The following TRRAP variants were observed in gnomAD, a reference collection of about 807,000 sequenced individuals.
TRRAP encodes transformation/transcription domain associated protein, also known as transformation/transcription domain-associated protein.
A neutral mutation model predicts 438.8 loss-of-function variants in TRRAP; 41 were observed. The observed-to-expected ratio is 0.09, with a 90% confidence interval of 0.07 to 0.12. The LOEUF is 0.12. Among genes scored for constraint, TRRAP ranks in the 10% least tolerant of loss-of-function variants. The pLI is 1.00. For missense variants in TRRAP, 3,122 were observed against 5,055.1 expected (o/e 0.62, Z 11.60); for synonymous variants, 1,994 against 1,962.9 (o/e 1.02, Z -0.42).
chr7:98,972,040 G>C, intron 53 of TRRAP, 95 bp downstream of exon 53: 1 of 1,462,132 alleles, frequency 6.8e-7, no homozygotes, highest in Non-Finnish European at 9.1e-7. Flanking sequence ...AACTTTTTCT[G>C]TTTCTTTTCT....
intron 30 of TRRAP, among the ~76,000 whole-genome samples, chr7:98,941,174 G>A (rs192958741): frequency 1.2e-4 from 19 of 152,148 alleles, no homozygotes; most frequent in East Asian, 3.9e-4. Flanking sequence ...TATGTGGTTC[G>A]TTGGTTTTTC....
At chr7:98,923,872 T>C (rs782583146) in intron 21 of TRRAP, among the ~76,000 whole-genome samples, 1 of 152,260 alleles carries the variant, frequency 6.6e-6, no homozygotes, top group Non-Finnish European at 1.5e-5. Flanking sequence ...GTCTTGGCTG[T>C]TAAAGGCTTC....
intron 3 of TRRAP, among the ~76,000 whole-genome samples, chr7:98,886,461 T>G (rs1584266259): frequency 6.6e-6 from 1 of 151,916 alleles, no homozygotes; most frequent in East Asian, 1.9e-4. Flanking sequence ...GATATAGATA[T>G]CTAGAGAGAT....
At chr7:98,888,910 G>C (rs1422263061) in intron 3 of TRRAP, among the ~76,000 whole-genome samples, 1 of 151,908 alleles carries the variant, frequency 6.6e-6, no homozygotes, top group African/African-American at 2.4e-5. Flanking sequence ...TATGTGTTCT[G>C]TTCATTATTT....
At position 98,915,878 on chromosome 7, in the gene TRRAP, C is replaced by A; in HGVS notation, c.2355C>A (p.Asn785Lys). The A allele has an allele frequency of 6.2e-7, 1 of 1,614,154 alleles. No homozygotes were observed. The highest frequency in any genetic ancestry group is 8.5e-7 in the Non-Finnish European group (1 of 1,180,008). ...AGGAGTTCTTGCCTCTCCTTCCAAA[C>A]CTCCTGCAAGGTCAGAGCAGTGACT... ...LYQEFLPLLP[N>K]LLQGLNMLQS... The change falls in exon 19 of 73, where the codon AAC (asparagine) becomes AAA (lysine). Residue 785 changes from asparagine to lysine, a missense_variant. Asn to Lys is a moderately conservative substitution (Grantham distance 94). Around this residue, in one of 24 missense-constraint regions of TRRAP, gnomAD observed 149 missense variants for 302.8 expected, o/e 0.49. Transcript: ENST00000456197.
rs933233501 is a variant in TRRAP at position 98,964,753 on chromosome 7, A to G, written c.6954A>G (p.Ser2318=). 4 of 1,613,318 alleles carry G rather than the reference A, an allele frequency of 2.5e-6. No individual in the cohort carries two copies. Among genetic ancestry groups the G allele is most frequent in the Non-Finnish European group, 8.5e-7 (1 of 1,179,720 alleles). ...VREHLNPQAA[S]GSTEATSGTS... ...AGCATTTAAACCCTCAGGCAGCGTC[A>G]GGAAGCACCGAAGCCACCTCAGGTG... The change falls in exon 48 of 73, where the codon TCA becomes TCG. Residue 2318 remains serine, a synonymous_variant. Transcript: ENST00000456197.
At chr7:98,922,203 G>A (rs886129626) in intron 21 of TRRAP, among the ~76,000 whole-genome samples, 1 of 152,076 alleles carries the variant, frequency 6.6e-6, no homozygotes, top group Non-Finnish European at 1.5e-5. Context: ...AGCCCATCCC[G>A]CCGTGAACTC....
chr7:98,983,004 C>T (rs1328918775), intron 59 of TRRAP, among the ~76,000 whole-genome samples: 3 of 152,150 alleles, frequency 2.0e-5, no homozygotes, highest in Non-Finnish European at 4.4e-5. Context: ...TCTGTACCAT[C>T]GTTCTCCCAG....
intron 7 of TRRAP, among the ~76,000 whole-genome samples, chr7:98,897,359 CT>C (rs1422318814): frequency 6.6e-6 from 1 of 152,192 alleles, no homozygotes; most frequent in Non-Finnish European, 1.5e-5. Context: ...GGAGTGCTTT[CT>C]TTCCTGCCTC....
rs3066870 is a variant in TRRAP at position 98,906,402 on chromosome 7, TTTTATTTATTTATTTATTTATTTA to T, written c.1115+171_1115+194del. On this transcript the variant is annotated intron_variant, in intron 13 of 72. Transcript: ENST00000456197. ...AGCAAGTGCAGGATTTTTGTTTTTG[TTTTATTTATTTATTTATTTATTTA>T]TTTATTTATTTATTTATTTATTTTG... is the stretch of plus-strand genomic sequence containing the variant. The T allele has an allele frequency of 6.1e-4, 119 of 194,834 alleles. 18 individuals are homozygous for T. Among genetic ancestry groups the T allele is most frequent in the South Asian group, 6.0e-3 (37 of 6,206 alleles). The allele number at this position is 194,834 out of a possible 1,614,324, so 12.1% of individuals were successfully genotyped here.
rs1030402110 is a variant in TRRAP at position 98,994,507 on chromosome 7, G to T, written c.10048-80G>T. On this transcript the variant is annotated intron_variant, in intron 66 of 72. Coordinates refer to ENST00000456197, the MANE Select transcript of TRRAP (RefSeq NM_001375524.1). This position sits in a 1 kb window ranked among gnomAD's most constrained non-coding sequence, Gnocchi z 4.8. ...GAGATGACCCTGGGCTGGGAGGGCCGCACTCAATAGGCGCTTTTGGCTGCT... is the reference window on the plus strand; with the variant it reads ...GAGATGACCCTGGGCTGGGAGGGCCTCACTCAATAGGCGCTTTTGGCTGCT... The T allele has an allele frequency of 9.5e-6, 15 of 1,579,300 alleles. No homozygotes were observed. Among genetic ancestry groups the T allele is most frequent in the Non-Finnish European group, 1.3e-5 (15 of 1,159,962 alleles).
chr7:98,938,557 C>CT (rs1562950631), intron 30 of TRRAP, among the ~76,000 whole-genome samples: 1 of 66,848 alleles, frequency 1.5e-5, no homozygotes, highest in Non-Finnish European at 5.9e-5. Context: ...AAAGGGGGTA[C>CT]AATATATATA....
At chr7:98,999,747 A>G (rs903593006) in intron 67 of TRRAP, 28 of 674,776 alleles carry the variant, frequency 4.1e-5, no homozygotes, top group Non-Finnish European at 6.1e-5. Flanking sequence ...ATTCAAAGCT[A>G]CTATTCTGGG....
chr7:98,925,524 G>A (rs181336634), intron 22 of TRRAP, among the ~76,000 whole-genome samples: 31 of 152,326 alleles, frequency 2.0e-4, no homozygotes, highest in Admixed American at 1.0e-3. Context: ...TAAGTGTGAA[G>A]AAATCAAGGG....
At chr7:98,995,102 ACTGCCCTC>A (rs1300071216) in intron 67 of TRRAP, among the ~76,000 whole-genome samples, 15 of 152,246 alleles carry the variant, frequency 9.9e-5, no homozygotes, top group South Asian at 4.1e-4. Flanking sequence ...TTCAGGCCAC[ACTGCCCTC>A]CTGCCCTCCT....
intron 8 of TRRAP, among the ~76,000 whole-genome samples, chr7:98,898,132 CTGTT>C (rs1554406073): frequency 6.6e-6 from 1 of 152,142 alleles, no homozygotes; most frequent in Non-Finnish European, 1.5e-5. Flanking sequence ...TGTGGGGTGT[CTGTT>C]CTGTCCCTTA....
In TRRAP at chr7:98,965,778, C is replaced by A; in HGVS notation, c.7059C>A (p.Phe2353Leu). The change falls in exon 49 of 73, where the codon TTC (phenylalanine) becomes TTA (leucine). Residue 2353 changes from phenylalanine to leucine, a missense_variant. This residue lies in a region of TRRAP where 992 missense variants were observed against 1,281.2 expected (regional missense o/e 0.77). Coordinates refer to ENST00000456197, the MANE Select transcript of TRRAP (RefSeq NM_001375524.1). ...AVMSMEMRKN[F>L]IQAILTSLIE... ...TGAGCATGGAGATGCGGAAGAACTT[C>A]ATCCAGGCCATCCTGACATCCCTCA... The A allele has an allele frequency of 1.9e-6, 3 of 1,614,118 alleles. No homozygotes were observed. Among genetic ancestry groups the A allele is most frequent in the Non-Finnish European group, 2.5e-6 (3 of 1,180,018 alleles).
At chr7:98,887,827 C>T (rs1471553403) in intron 3 of TRRAP, among the ~76,000 whole-genome samples, 3 of 151,968 alleles carry the variant, frequency 2.0e-5, no homozygotes, top group African/African-American at 7.3e-5. Context: ...TTATAGACCC[C>T]TCTTCTGAAG....
At position 98,925,174 on chromosome 7, in the gene TRRAP, G is replaced by A; in HGVS notation, c.2886G>A (p.Gln962=). 1 of 1,614,216 alleles carries A rather than the reference G, an allele frequency of 6.2e-7. No homozygotes were observed. The highest frequency in any genetic ancestry group is 8.5e-7 in the Non-Finnish European group (1 of 1,180,038). The change falls in exon 22 of 73, where the codon CAG becomes CAA. Residue 962 remains glutamine, a synonymous_variant. Coordinates refer to ENST00000456197, the MANE Select transcript of TRRAP (RefSeq NM_001375524.1). ...ACACTGAGCCCTACTACCGGAGGCAGGCGTGGGAAGTGATCAAATGCTTCC... is the reference window on the plus strand; with the variant it reads ...ACACTGAGCCCTACTACCGGAGGCAAGCGTGGGAAGTGATCAAATGCTTCC... ...SANTEPYYRR[Q]AWEVIKCFLV... is the part of the protein sequence containing the mutation.
Sources: gnomAD v4.1 joint callset for allele counts (sites outside exome capture counted in the v4.1 genomes callset) on GRCh38, gnomAD v4.1.1 for gene constraint, gnomAD v4.1.1 regional missense constraint, Gnocchi (gnomAD v3.1) non-coding constraint, MANE v1.5 for transcripts, NCBI Gene and HGNC (gene_info 2026-07-23, HGNC 2026-07-21) for gene names.